Variants in TRAPPC9 observed in about 807,000 individuals in gnomAD.
TRAPPC9 encodes trafficking protein particle complex subunit 9.
TRAPPC9 carries 83 observed loss-of-function variants against 124.0 expected under a neutral mutation model. The observed-to-expected ratio is 0.67, with a 90% CI of 0.56 to 0.80. The LOEUF (loss-of-function observed/expected upper bound fraction) is 0.80. TRAPPC9 is among the 30% of genes least tolerant of loss of function. The pLI is 0.00. For synonymous variants in TRAPPC9, 638 were observed against 617.5 expected (o/e 1.03, Z -0.49); for missense variants, 1,302 against 1,508.3 (o/e 0.86, Z 2.27).
chr8:139,768,831 G>C (rs911648863), intron 21 of TRAPPC9, among the ~76,000 whole-genome samples: 3 of 152,148 alleles, frequency 2.0e-5, no homozygotes, highest in Non-Finnish European at 4.4e-5. Context: ...TACCTCGGGG[G>C]GGAATGTATT....
At chr8:140,278,422 C>A (rs1213658890) in intron 14 of TRAPPC9, among the ~76,000 whole-genome samples, 1 of 152,190 alleles carries the variant, frequency 6.6e-6, no homozygotes, top group East Asian at 1.9e-4. Context: ...ATATTTTTAT[C>A]TTGCATTATC....
At chr8:140,307,700 C>T (rs2066175288) in intron 10 of TRAPPC9, among the ~76,000 whole-genome samples, 1 of 152,182 alleles carries the variant, frequency 6.6e-6, no homozygotes, top group Non-Finnish European at 1.5e-5. Flanking sequence ...CCATGAGACA[C>T]ACTTCCTGTT....
intron 6 of TRAPPC9, among the ~76,000 whole-genome samples, chr8:140,400,984 T>C (rs937064479): frequency 6.6e-6 from 1 of 152,240 alleles, no homozygotes; most frequent in African/African-American, 2.4e-5. Context: ...TGTTGCATAA[T>C]TTAAAATTAA....
At chr8:140,211,283 G>A (rs983808406) in intron 17 of TRAPPC9, among the ~76,000 whole-genome samples, 1 of 152,182 alleles carries the variant, frequency 6.6e-6, no homozygotes, top group Non-Finnish European at 1.5e-5. Context: ...GGAAGGCCAG[G>A]CATGGTGGCA....
intron 12 of TRAPPC9, among the ~76,000 whole-genome samples, chr8:140,290,163 C>T (rs1037845397): frequency 1.3e-5 from 2 of 152,174 alleles, no homozygotes; most frequent in Non-Finnish European, 2.9e-5. Context: ...CATCTCTGTC[C>T]CCTCAGGGCC....
chr8:140,433,677 T>C (rs1273739484), intron 4 of TRAPPC9, among the ~76,000 whole-genome samples: 1 of 152,182 alleles, frequency 6.6e-6, no homozygotes, highest in Non-Finnish European at 1.5e-5. Context: ...AAGTAACTGA[T>C]GTCAAATCAA....
chr8:140,320,794 C>A (rs571565527), intron 9 of TRAPPC9, among the ~76,000 whole-genome samples: 1 of 152,324 alleles, frequency 6.6e-6, no homozygotes, highest in Non-Finnish European at 1.5e-5. Context: ...AGTCAGAAAA[C>A]CAGTCATCTG....
At chr8:140,172,026 A>G (rs6578077) in intron 17 of TRAPPC9, among the ~76,000 whole-genome samples, 98,875 of 152,046 alleles carry the variant, frequency 0.65, 32,658 homozygotes, top group East Asian at 0.99. Context: ...GGCTGAGTTC[A>G]TATCTGAAGG....
At chr8:139,988,692 C>A in intron 19 of TRAPPC9, 34 bp downstream of exon 19, 1 of 1,432,850 alleles carries the variant, frequency 7.0e-7, no homozygotes, top group Non-Finnish European at 9.6e-7. Flanking sequence ...CAGAGGGTGG[C>A]CTGCGGCGGC....
At chr8:139,832,622 G>A (rs973706013) in intron 21 of TRAPPC9, among the ~76,000 whole-genome samples, 3 of 152,178 alleles carry the variant, frequency 2.0e-5, no homozygotes, top group African/African-American at 7.2e-5. Context: ...CTGGGGAAAG[G>A]TAAATAAAGG....
At chr8:139,959,118 A>C (rs557558218) in intron 19 of TRAPPC9, among the ~76,000 whole-genome samples, 2 of 122,300 alleles carry the variant, frequency 1.6e-5, no homozygotes. Context: ...CGAGTCACAC[A>C]GGGGACTGGC....
intron 17 of TRAPPC9, among the ~76,000 whole-genome samples, chr8:140,211,254 AT>A (rs965307116): frequency 6.6e-6 from 1 of 152,002 alleles, no homozygotes. Flanking sequence ...AAAAAAAAGT[AT>A]TTTTTTTAAA....
At chr8:140,380,042 G>A (rs1050693285) in intron 7 of TRAPPC9, among the ~76,000 whole-genome samples, 11 of 152,080 alleles carry the variant, frequency 7.2e-5, no homozygotes, top group Admixed American at 4.6e-4. Context: ...GACTCAATGC[G>A]ATCCCTATCA....
At chr8:139,860,023 T>C (rs1828029277) in intron 21 of TRAPPC9, among the ~76,000 whole-genome samples, 1 of 152,218 alleles carries the variant, frequency 6.6e-6, no homozygotes, top group Admixed American at 6.5e-5. Flanking sequence ...GACTCTTGGT[T>C]CAAACACTTG....
intron 17 of TRAPPC9, among the ~76,000 whole-genome samples, chr8:140,189,780 G>A (rs770883611): frequency 1.3e-5 from 2 of 151,810 alleles, no homozygotes; most frequent in African/African-American, 4.8e-5. Flanking sequence ...CTTTTGCTTC[G>A]CATTTGCAGC....
chr8:140,215,737 C>T (rs966444540), intron 17 of TRAPPC9, among the ~76,000 whole-genome samples: 4 of 152,088 alleles, frequency 2.6e-5, no homozygotes, highest in Non-Finnish European at 4.4e-5. Context: ...CCTAAACTTC[C>T]GCTTCCCCAC....
chr8:139,753,067 C>T (rs111206285), intron 21 of TRAPPC9, among the ~76,000 whole-genome samples: 37 of 131,620 alleles, frequency 2.8e-4, no homozygotes, highest in African/African-American at 1.3e-3. Context: ...CACCCACCCA[C>T]CCATCTATCC....
intron 20 of TRAPPC9, among the ~76,000 whole-genome samples, chr8:139,902,544 G>C (rs1831085228): frequency 1.3e-5 from 2 of 152,218 alleles, no homozygotes; most frequent in Admixed American, 1.3e-4. Context: ...AGATGATCAA[G>C]GAATCAGCTG....
At chr8:140,362,508 C>T (rs1259098929) in intron 8 of TRAPPC9, among the ~76,000 whole-genome samples, 1 of 151,832 alleles carries the variant, frequency 6.6e-6, no homozygotes, top group African/African-American at 2.4e-5. Context: ...ATCCTTGGAG[C>T]TGACCATACA....
Sources: gnomAD v4.1 joint callset for allele counts (sites outside exome capture counted in the v4.1 genomes callset) on GRCh38, gnomAD v4.1.1 for gene constraint, MANE v1.5 for transcripts, NCBI Gene and HGNC (gene_info 2026-07-23, HGNC 2026-07-21) for gene names.